SLC28A1: variants seen among roughly 807,000 people sequenced by gnomAD.
The protein encoded by SLC28A1 is sodium/nucleoside cotransporter 1.
Under a neutral mutation model 74.8 loss-of-function variants are expected in SLC28A1, and 64 were observed. That is an observed-to-expected ratio of 0.86 (90% CI 0.70 to 1.05). The LOEUF is 1.05. Ranked by LOEUF, SLC28A1 falls within the 50% of genes least tolerant of loss-of-function variation. SLC28A1 has a pLI of 0.00. For missense variants in SLC28A1, 828 were observed against 822.8 expected, an observed-to-expected ratio of 1.01 and a Z score of -0.08; for synonymous variants, 359 against 335.0, an observed-to-expected ratio of 1.07 and a Z score of -0.78.
the SLC28A1 span, among the ~76,000 whole-genome samples, chr15:84,965,398 G>C: frequency 6.6e-6 from 1 of 152,166 alleles, no homozygotes; most frequent in Non-Finnish European, 1.5e-5. Flanking sequence ...GACTAATACA[G>C]ACCTGCAAGG....
At chr15:84,974,138 C>T in the SLC28A1 span, among the ~76,000 whole-genome samples, 3 of 152,174 alleles carry the variant, frequency 2.0e-5, no homozygotes, top group Admixed American at 6.5e-5. Context: ...GATTCACGAT[C>T]GTTGCGGCTG....
the SLC28A1 span, among the ~76,000 whole-genome samples, chr15:84,959,263 C>T: frequency 1.3e-5 from 2 of 151,914 alleles, no homozygotes; most frequent in African/African-American, 4.8e-5. Flanking sequence ...TGCCACCATG[C>T]CCAGCTAATT....
At chr15:84,973,821 G>A in the SLC28A1 span, among the ~76,000 whole-genome samples, 5,080 of 152,248 alleles carry the variant, frequency 0.033, 122 homozygotes, top group Non-Finnish European at 0.049. Context: ...TAAAGAGTAC[G>A]CATTTTAAGA....
intron 9 of SLC28A1, among the ~76,000 whole-genome samples, chr15:84,912,181 C>G (rs995599160): frequency 2.0e-5 from 3 of 152,158 alleles, no homozygotes; most frequent in African/African-American, 7.2e-5. Context: ...TCAGCCTCCC[C>G]CTCTCCCCTA....
intron 16 of SLC28A1, 70 bp from the exon 17 acceptor site, chr15:84,944,496 C>A: frequency 9.6e-7 from 1 of 1,043,136 alleles, no homozygotes; most frequent in Non-Finnish European, 1.5e-6. Context: ...GCAGATGCAG[C>A]CCGAGCTGCG....
downstream of SLC28A1, among the ~76,000 whole-genome samples, chr15:84,948,609 C>T (rs889739485): frequency 1.3e-5 from 2 of 152,154 alleles, no homozygotes; most frequent in Non-Finnish European, 2.9e-5. Context: ...ACCTCATTCC[C>T]TCCCTTACTG....
At chr15:84,932,521 T>C (rs1971438347) in intron 12 of SLC28A1, among the ~76,000 whole-genome samples, 1 of 152,196 alleles carries the variant, frequency 6.6e-6, no homozygotes, top group Admixed American at 6.5e-5. Context: ...GTTCTCAAAC[T>C]GCAGGACTGG....
At chr15:84,927,024 G>C (rs1322093046) in intron 12 of SLC28A1, among the ~76,000 whole-genome samples, 1 of 152,182 alleles carries the variant, frequency 6.6e-6, no homozygotes, top group Admixed American at 6.5e-5. Flanking sequence ...AGGGCCAGCT[G>C]TTGCGTGACT....
chr15:84,938,887 G>A (rs150949438), intron 15 of SLC28A1, among the ~76,000 whole-genome samples: 162 of 152,344 alleles, frequency 1.1e-3, no homozygotes, highest in East Asian at 9.8e-3. Context: ...AAAGGAAGAG[G>A]CATGTGCAAA....
intron 9 of SLC28A1, among the ~76,000 whole-genome samples, chr15:84,915,045 G>A (rs1285583859): frequency 6.6e-6 from 1 of 152,140 alleles, no homozygotes; most frequent in Non-Finnish European, 1.5e-5. Context: ...CTGCAGGCCT[G>A]CTAGCTGCCC....
At chr15:84,939,754 T>A (rs1306769951) in intron 15 of SLC28A1, 2 of 152,212 alleles carry the variant, frequency 1.3e-5, no homozygotes, top group African/African-American at 4.8e-5. Flanking sequence ...ATTAAAAAAA[T>A]TGTATTTACT....
the SLC28A1 span, among the ~76,000 whole-genome samples, chr15:84,974,924 G>A: frequency 6.6e-6 from 1 of 152,256 alleles, no homozygotes; most frequent in East Asian, 1.9e-4. Context: ...AGGAGTCAGT[G>A]CCTGGGGCTC....
At chr15:84,928,053 C>G (rs951971123) in intron 12 of SLC28A1, among the ~76,000 whole-genome samples, 1 of 152,200 alleles carries the variant, frequency 6.6e-6, no homozygotes, top group Non-Finnish European at 1.5e-5. Context: ...GAATGCTCGC[C>G]CATTTCCACA....
downstream of SLC28A1, among the ~76,000 whole-genome samples, chr15:84,948,939 T>A (rs1478826774): frequency 6.6e-6 from 1 of 152,236 alleles, no homozygotes; most frequent in Admixed American, 6.5e-5. Context: ...TCTGGGCCAC[T>A]CTGAATGGGT....
chr15:84,904,292 C>A (rs989295981), intron 7 of SLC28A1, 54 bp downstream of exon 7: 13 of 1,609,588 alleles, frequency 8.1e-6, no homozygotes, highest in Non-Finnish European at 1.1e-5. Flanking sequence ...TCTCTTCTGC[C>A]CCTAGGCTGG....
the SLC28A1 span, among the ~76,000 whole-genome samples, chr15:84,967,412 AT>A: frequency 6.6e-6 from 1 of 152,178 alleles, no homozygotes; most frequent in Non-Finnish European, 1.5e-5. Context: ...CTAAAAAACA[AT>A]TTGAAAGCCA....
Position 84,905,662 on chromosome 15 carries a change from T to C in SLC28A1, c.717+10T>C, listed in dbSNP as rs1966980827. 2 of 1,590,690 alleles carry C rather than the reference T, an allele frequency of 1.3e-6. No homozygotes were observed. The highest frequency in any genetic ancestry group is 2.2e-5 in the East Asian group (1 of 44,750). On this transcript the variant is annotated intron_variant, in intron 8 of 18. Transcript: ENST00000394573. ...GGGCGAGCAGATCCGGGTAGGTATG[T>C]GGGGTCTGGCTGCCCAGAGCATCTT...
rs1005129737 is a variant in SLC28A1 at position 84,908,811 on chromosome 15, G to A, written c.795+16G>A. The A allele has an allele frequency of 6.2e-7, 1 of 1,608,838 alleles. No individual in the cohort carries two copies. The highest frequency in any genetic ancestry group is 1.1e-5 in the South Asian group (1 of 90,942). ...TGCCTTTCAGGTCAGCTTGACTCAG[G>A]GTCCCAGAGGCCTTTAGCAGCCACC... On this transcript the variant is annotated intron_variant, in intron 9 of 18. Coordinates refer to ENST00000394573, the MANE Select transcript of SLC28A1 (RefSeq NM_004213.5).
rs1967161108 is a variant in SLC28A1, at chr15:84,906,526, T to C, written c.717+874T>C. ...TTTGTTTGTTTGTTTGTTTGTTTGTTTGTTTCTTTCTTTCTTTCTTTCTTT... is the reference window on the plus strand; with the variant it reads ...TTTGTTTGTTTGTTTGTTTGTTTGTCTGTTTCTTTCTTTCTTTCTTTCTTT... On this transcript the variant is annotated intron_variant, in intron 8 of 18. Coordinates refer to ENST00000394573, the MANE Select transcript of SLC28A1 (RefSeq NM_004213.5). Among the ~76,000 whole-genome samples the C allele has an allele frequency of 4.2e-4, 2 of 4,726 alleles. 1 individual carries two copies. Among genetic ancestry groups the C allele is most frequent in the Non-Finnish European group, 1.2e-3 (2 of 1,684 alleles). The allele number at this position is 4,726 out of a possible 152,430, so 3.1% of individuals were successfully genotyped here.
Sources: gnomAD v4.1 joint callset for allele counts (sites outside exome capture counted in the v4.1 genomes callset) on GRCh38, gnomAD v4.1.1 for gene constraint, MANE v1.5 for transcripts, NCBI Gene and HGNC (gene_info 2026-07-23, HGNC 2026-07-21) for gene names.